Variants in PCDH15 observed in about 807,000 individuals in gnomAD.
PCDH15 encodes the protein protocadherin related 15, also known as protocadherin-15.
A neutral mutation model predicts 178.5 loss-of-function variants in PCDH15; 129 were observed. That is an observed-to-expected ratio of 0.72 (90% CI 0.63 to 0.84). The LOEUF (loss-of-function observed/expected upper bound fraction) is 0.84, where lower values mean the gene tolerates loss of function less well. Ranked by LOEUF, PCDH15 falls within the 40% of genes least tolerant of loss-of-function variation. The pLI is 0.00. For missense variants in PCDH15, 2,230 were observed against 2,099.9 expected (o/e 1.06, Z -1.21); for synonymous variants, 800 against 732.0 (o/e 1.09, Z -1.50).
At chr10:54,970,264 A>G (rs1242487462) in intron 2 of PCDH15, among the ~76,000 whole-genome samples, 5 of 152,194 alleles carry the variant, frequency 3.3e-5, no homozygotes, top group African/African-American at 1.2e-4. Context: ...GGATTCTGAT[A>G]TTTTGTTATT....
intron 3 of PCDH15, among the ~76,000 whole-genome samples, chr10:54,890,891 G>A (rs117173322): frequency 6.6e-6 from 1 of 152,094 alleles, no homozygotes; most frequent in East Asian, 1.9e-4. Flanking sequence ...TACAGCTGCT[G>A]TAATTCAGTC....
At chr10:54,229,728 T>C (rs911971703) in intron 9 of PCDH15, among the ~76,000 whole-genome samples, 2 of 152,208 alleles carry the variant, frequency 1.3e-5, no homozygotes, top group Non-Finnish European at 2.9e-5. Flanking sequence ...TTCCTGAACA[T>C]GTGGAACTGT....
At chr10:54,896,376 C>A (rs1954545915) in intron 3 of PCDH15, among the ~76,000 whole-genome samples, 1 of 152,046 alleles carries the variant, frequency 6.6e-6, no homozygotes, top group Admixed American at 6.6e-5. Context: ...TGAAAAGATT[C>A]CAAATTCTAT....
intron 25 of PCDH15, chr10:53,905,281 T>A: frequency 2.0e-6 from 1 of 508,526 alleles, no homozygotes; most frequent in Middle Eastern, 3.3e-4. Flanking sequence ...AAAATACAAA[T>A]AGGATACATT....
intron 10 of PCDH15, among the ~76,000 whole-genome samples, chr10:54,196,461 T>C (rs2049671928): frequency 1.3e-5 from 2 of 152,176 alleles, no homozygotes; most frequent in Non-Finnish European, 1.5e-5. Flanking sequence ...TAATTTTTAT[T>C]GAATGCAGTA....
intron 7 of PCDH15, among the ~76,000 whole-genome samples, chr10:54,320,381 AG>A (rs1284620937): frequency 6.6e-6 from 1 of 151,976 alleles, no homozygotes; most frequent in Non-Finnish European, 1.5e-5. Flanking sequence ...CTTCTTCTTT[AG>A]CTGTTTAAGG....
intron 2 of PCDH15, among the ~76,000 whole-genome samples, chr10:55,621,707 C>G (rs1837394061): frequency 6.6e-6 from 1 of 151,938 alleles, no homozygotes; most frequent in Non-Finnish European, 1.5e-5. Context: ...ACCCAGCCAT[C>G]CCTGGTCTGT....
chr10:55,090,615 G>A (rs1842293051), intron 2 of PCDH15, among the ~76,000 whole-genome samples: 1 of 151,972 alleles, frequency 6.6e-6, no homozygotes, highest in African/African-American at 2.4e-5. Flanking sequence ...TGCACTTGAG[G>A]GAAAAATAAT....
chr10:54,223,785 A>G (rs1470596156), intron 9 of PCDH15, among the ~76,000 whole-genome samples: 4 of 152,100 alleles, frequency 2.6e-5, no homozygotes, highest in African/African-American at 9.7e-5. Flanking sequence ...TCTAGAGGAA[A>G]GGCCCTCTAA....
At chr10:55,511,278 G>C (rs571696069) in intron 2 of PCDH15, among the ~76,000 whole-genome samples, 57 of 151,960 alleles carry the variant, frequency 3.8e-4, no homozygotes, top group African/African-American at 1.2e-3. Context: ...TTTGGTAACA[G>C]ATACTAAGTT....
intron 6 of PCDH15, among the ~76,000 whole-genome samples, chr10:54,344,166 C>T (rs1007507421): frequency 6.6e-6 from 1 of 152,022 alleles, no homozygotes; most frequent in African/African-American, 2.4e-5. Context: ...TCCTTTTTTC[C>T]TTCAATACAT....
intron 2 of PCDH15, among the ~76,000 whole-genome samples, chr10:54,546,097 A>G (rs571122298): frequency 3.3e-5 from 5 of 152,228 alleles, no homozygotes; most frequent in Non-Finnish European, 7.3e-5. Flanking sequence ...GGTTTCCACT[A>G]GAAAGTTCAG....
chr10:55,480,122 C>A (rs1298351356), intron 2 of PCDH15, among the ~76,000 whole-genome samples: 1 of 151,460 alleles, frequency 6.6e-6, no homozygotes, highest in Non-Finnish European at 1.5e-5. Flanking sequence ...GATTTTCCTG[C>A]CTATGATCAT....
At chr10:55,231,463 T>A (rs926724979) in intron 1 of PCDH15, among the ~76,000 whole-genome samples, 1 of 152,000 alleles carries the variant, frequency 6.6e-6, no homozygotes, top group Admixed American at 6.6e-5. Context: ...ACTAAGCTAA[T>A]CCTTTGAGAA....
chr10:54,454,782 C>T (rs1227523780), intron 3 of PCDH15, among the ~76,000 whole-genome samples: 1 of 152,144 alleles, frequency 6.6e-6, no homozygotes, highest in Non-Finnish European at 1.5e-5. Context: ...CCTTTTCAAG[C>T]AAAATCGTGC....
intron 2 of PCDH15, among the ~76,000 whole-genome samples, chr10:54,637,278 G>A (rs550652000): frequency 1.2e-4 from 18 of 151,938 alleles, no homozygotes; most frequent in African/African-American, 3.6e-4. Context: ...TATAAGAGAG[G>A]TGTTAGTTTT....
chr10:54,899,947 A>G (rs1954614459), intron 2 of PCDH15, among the ~76,000 whole-genome samples: 1 of 151,928 alleles, frequency 6.6e-6, no homozygotes, highest in Non-Finnish European at 1.5e-5. Context: ...AAAAAAAGAC[A>G]TTTAATCAAA....
In PCDH15 at chr10:53,807,079, T is replaced by C; in HGVS notation, c.4723A>G (p.Ser1575Gly). 6.2e-7 allele frequency: 1 copy of C among 1,613,266 alleles called. No homozygotes were observed. The highest frequency in any genetic ancestry group is 8.5e-7 in the Non-Finnish European group (1 of 1,179,734). The change falls in exon 38 of 38, where the codon AGC becomes GGC. Residue 1575 changes from serine (S) to glycine (G), a missense_variant. Coordinates refer to ENST00000644397, the MANE Select transcript of PCDH15 (RefSeq NM_001384140.1). ...KLVVDREYETSSTGEDSAPEC... is the reference protein window; with the variant it reads ...KLVVDREYETGSTGEDSAPEC... ...GGAGCACTGTCTTCTCCAGTTGAGC[T>C]GGTTTCATACTCTCGATCAACAACT...
chr10:54,749,045 GA>G (rs1349903514), intron 1 of PCDH15, among the ~76,000 whole-genome samples: 4 of 152,098 alleles, frequency 2.6e-5, no homozygotes, highest in Non-Finnish European at 5.9e-5. Flanking sequence ...GTAAATGCCT[GA>G]AAAAGTACCT....
Sources: allele counts gnomAD v4.1 joint callset (sites outside exome capture counted in the v4.1 genomes callset), GRCh38; gene constraint gnomAD v4.1.1; transcripts MANE v1.5; gene names NCBI Gene and HGNC (gene_info 2026-07-23, HGNC 2026-07-21).